Variants in NINJ2 observed in about 807,000 individuals in gnomAD.
NINJ2 encodes ninjurin-2.
In NINJ2, 12 loss-of-function variants were observed where a neutral mutation model predicts 11.7. The observed-to-expected ratio is 1.02, with a 90% confidence interval of 0.66 to 1.66. The LOEUF is 1.66. NINJ2 is among the 40% of genes most tolerant of loss of function. NINJ2 has a pLI of 0.00. For synonymous variants in NINJ2, 93 were observed against 76.8 expected (o/e 1.21, Z -1.10); for missense variants, 187 against 181.8 (o/e 1.03, Z -0.16).
chr12:621,204 T>TA (rs1383354976), intron 1 of NINJ2, among the ~76,000 whole-genome samples: 6 of 151,980 alleles, frequency 3.9e-5, no homozygotes, highest in African/African-American at 1.5e-4. Context: ...TCCCAGCACT[T>TA]TAGGAGGCTG....
chr12:585,474 A>AGGAAGGGAACGGTTGGAGGGAAG lies in NINJ2; in HGVS notation c.34-19319_34-19297dup, dbSNP rs66484461. Among the ~76,000 whole-genome samples the AGGAAGGGAACGGTTGGAGGGAAG allele has an allele frequency of 1.1e-4, 11 of 102,914 alleles. No individual in the cohort carries two copies. The highest frequency in any genetic ancestry group is 3.1e-4 in the African/African-American group (8 of 26,042). The allele number at this position is 102,914 out of a possible 152,430, so 67.5% of individuals were successfully genotyped here. A position where few individuals can be genotyped will look rare whatever the true frequency, so the allele number is the denominator to read the frequency against. ...TCCTCATCAGGCAGGCAACGGTTGG[A>AGGAAGGGAACGGTTGGAGGGAAG]GGAAGGGAACGGTTGGAGGGAAGGG... On this transcript the variant is annotated intron_variant, in intron 1 of 3. Transcript: ENST00000305108. The surrounding 1 kb of genome is among the most constrained non-coding windows in gnomAD (Gnocchi z 4.1).
At chr12:600,969 C>T (rs972844893) in intron 1 of NINJ2, among the ~76,000 whole-genome samples, 2 of 152,204 alleles carry the variant, frequency 1.3e-5, no homozygotes, top group Non-Finnish European at 2.9e-5. Context: ...TCTATCTGAA[C>T]TCTCAATAGT....
chr12:611,620 G>C (rs905151931), intron 1 of NINJ2, among the ~76,000 whole-genome samples: 1 of 152,258 alleles, frequency 6.6e-6, no homozygotes, highest in Non-Finnish European at 1.5e-5. Context: ...ATAGGCATGA[G>C]CCACTGTGCC....
At chr12:577,635 G>A (rs754724156) in intron 1 of NINJ2, among the ~76,000 whole-genome samples, 5 of 151,438 alleles carry the variant, frequency 3.3e-5, no homozygotes, top group South Asian at 2.1e-4. Flanking sequence ...CTAAGCCTGC[G>A]TTTTTCTCCT....
chr12:651,695 G>A (rs903759935), intron 1 of NINJ2, among the ~76,000 whole-genome samples: 2 of 152,168 alleles, frequency 1.3e-5, no homozygotes, highest in African/African-American at 2.4e-5. Flanking sequence ...GGGTGCTAAC[G>A]AATAAAGCAG....
Position 614,842 on chromosome 12 carries a change from G to A in NINJ2, c.33+48486C>T, listed in dbSNP as rs1289573430. The stretch of plus-strand genomic sequence containing the variant: ...ACCATGTCTTCACACGTCGGGCAGC[G>A]TGCATTGTCAGCGCTCTATGAAAAA... On this transcript the variant is annotated intron_variant, in intron 1 of 3. Transcript: ENST00000305108. The surrounding 1 kb of genome is among the most constrained non-coding windows in gnomAD (Gnocchi z 5.1). Among the ~76,000 whole-genome samples the A allele has an allele frequency of 3.3e-5, 5 of 152,188 alleles. No individual in the cohort carries two copies. The highest frequency in any genetic ancestry group is 4.1e-4 in the South Asian group (2 of 4,826).
intron 1 of NINJ2, among the ~76,000 whole-genome samples, chr12:601,856 C>G (rs1348463767): frequency 6.6e-6 from 1 of 152,070 alleles, no homozygotes; most frequent in Non-Finnish European, 1.5e-5. Flanking sequence ...TCAGCCTGAG[C>G]GATAGAGTGC....
At chr12:648,425 C>T (rs1024024367) in intron 1 of NINJ2, among the ~76,000 whole-genome samples, 8 of 152,210 alleles carry the variant, frequency 5.3e-5, no homozygotes, top group African/African-American at 4.8e-5. Context: ...TCATTAGATA[C>T]CCAATGCCAT....
chr12:588,892 C>A (rs933476873), intron 1 of NINJ2, among the ~76,000 whole-genome samples: 24 of 152,196 alleles, frequency 1.6e-4, no homozygotes, highest in Non-Finnish European at 2.9e-5. Context: ...CATGGCTAAG[C>A]AAGCACTTTC....
At chr12:655,952 A>C (rs1161624184) in intron 1 of NINJ2, among the ~76,000 whole-genome samples, 2 of 152,004 alleles carry the variant, frequency 1.3e-5, no homozygotes, top group Non-Finnish European at 2.9e-5. Flanking sequence ...ATATAAAATA[A>C]ATAGATAGAT....
intron 1 of NINJ2, among the ~76,000 whole-genome samples, chr12:602,854 A>G (rs1367425812): frequency 6.6e-6 from 1 of 152,056 alleles, no homozygotes; most frequent in African/African-American, 2.4e-5. Flanking sequence ...ATTTTTTGAG[A>G]CAGGGTCTCA....
At chr12:647,915 C>T (rs911761106) in intron 1 of NINJ2, among the ~76,000 whole-genome samples, 1 of 152,176 alleles carries the variant, frequency 6.6e-6, no homozygotes, top group Non-Finnish European at 1.5e-5. Flanking sequence ...CCTGCCGCTT[C>T]CAGGCTCTGT....
At chr12:572,515 G>A (rs1192096506) in intron 1 of NINJ2, among the ~76,000 whole-genome samples, 1 of 152,242 alleles carries the variant, frequency 6.6e-6, no homozygotes, top group African/African-American at 2.4e-5. Context: ...TCAAAGGAAG[G>A]GGCTTAGGTG....
intron 1 of NINJ2, among the ~76,000 whole-genome samples, chr12:595,532 T>C (rs1205197562): frequency 6.6e-6 from 1 of 152,172 alleles, no homozygotes; most frequent in Non-Finnish European, 1.5e-5. Context: ...CCCAGCACTT[T>C]GGGAGGCCAA....
At chr12:646,793 A>G (rs1055614909) in intron 1 of NINJ2, among the ~76,000 whole-genome samples, 6 of 152,228 alleles carry the variant, frequency 3.9e-5, no homozygotes, top group Admixed American at 6.5e-5. Context: ...GCACAAGACA[A>G]GCACACAAAA....
chr12:660,977 A>G (rs556387623), intron 1 of NINJ2, among the ~76,000 whole-genome samples: 1 of 152,318 alleles, frequency 6.6e-6, no homozygotes, highest in East Asian at 1.9e-4. Flanking sequence ...AACTGTAAAA[A>G]TAAACATTAT....
Position 565,992 on chromosome 12 carries a change from G to A in NINJ2, c.220C>T (p.Leu74=). ...ACACCGATGACCACCTGCAGGAGCA[G>A]AGAGAGGCTGATGAGGGTGACCAGG... ...TTLVTLISLS[L]LLQVVIGVLL... is the part of the protein sequence containing the mutation. Residue 74 remains leucine (L), a synonymous_variant, in exon 2 of 4, where the codon CTG becomes TTG. Coordinates refer to ENST00000305108, the MANE Select transcript of NINJ2 (RefSeq NM_016533.6). 1.2e-6 allele frequency: 2 copies of A among 1,614,252 alleles called. No homozygotes were observed. Among genetic ancestry groups the A allele is most frequent in the Non-Finnish European group, 1.7e-6 (2 of 1,180,048 alleles).
intron 1 of NINJ2, among the ~76,000 whole-genome samples, chr12:657,398 G>A (rs1937887619): frequency 6.6e-6 from 1 of 151,992 alleles, no homozygotes; most frequent in South Asian, 2.1e-4. Context: ...GACCAGCCTG[G>A]CCAACATAGT....
At chr12:634,081 T>C (rs1278180062) in intron 1 of NINJ2, among the ~76,000 whole-genome samples, 1 of 151,984 alleles carries the variant, frequency 6.6e-6, no homozygotes, top group South Asian at 2.1e-4. Context: ...AGACCCTACC[T>C]TAGGATATTT....
Sources: gnomAD v4.1 joint callset for allele counts (sites outside exome capture counted in the v4.1 genomes callset) on GRCh38, gnomAD v4.1.1 for gene constraint, Gnocchi (gnomAD v3.1) non-coding constraint, MANE v1.5 for transcripts, NCBI Gene and HGNC (gene_info 2026-07-23, HGNC 2026-07-21) for gene names.